MAML1: variants seen among roughly 807,000 people sequenced by gnomAD.
MAML1 encodes mastermind like transcriptional coactivator 1, also known as mastermind-like protein 1.
A neutral mutation model predicts 77.1 loss-of-function variants in MAML1; 14 were observed. The ratio of observed to expected loss-of-function variants is 0.18; its 90% confidence interval spans 0.12 to 0.28. The LOEUF (loss-of-function observed/expected upper bound fraction) is 0.28, where lower values mean the gene tolerates loss of function less well. MAML1 is among the 10% of genes least tolerant of loss of function. The pLI is 1.00. For missense variants in MAML1, 1,217 were observed against 1,327.8 expected, an observed-to-expected ratio of 0.92 and a Z score of 1.30; for synonymous variants, 516 against 551.9, an observed-to-expected ratio of 0.93 and a Z score of 0.91.
At chr5:179,767,095 CTTTTTTTTT>C (rs10707656) in intron 2 of MAML1, among the ~76,000 whole-genome samples, 2 of 100,942 alleles carry the variant, frequency 2.0e-5, no homozygotes, top group African/African-American at 3.9e-5. Context: ...AGAGGCTTGG[CTTTTTTTTT>C]TTTTTTTTTT....
rs561025435 is a variant in MAML1 at position 179,756,673 on chromosome 5, G to T, written c.316-8653G>T. 3.3e-5 allele frequency among the ~76,000 whole-genome samples: 5 copies of T among 152,200 alleles called. No homozygotes were observed. The East Asian group carries it at 9.7e-4, about 29-fold the overall frequency. ...GATATGTGTTTTATAGCGGTCACAC[G>T]GATAACATCATAAAGGGTGTGTTAG... On this transcript the variant is annotated intron_variant, in intron 1 of 4. Coordinates refer to ENST00000292599, the MANE Select transcript of MAML1 (RefSeq NM_014757.5).
At position 179,766,597 on chromosome 5, in the gene MAML1, C is replaced by T. The variant is rs3797776; in HGVS notation, c.1587C>T (p.Ser529=). The T allele has an allele frequency of 0.28, 450,864 of 1,611,900 alleles. 67,360 individuals carry two copies. Among genetic ancestry groups the T allele is most frequent in the Non-Finnish European group, 0.31 (364,139 of 1,178,436 alleles). Residue 529 remains serine (S), a synonymous_variant, in exon 2 of 5, where the codon AGC becomes AGT. Transcript: ENST00000292599. This position sits in a 1 kb window ranked among gnomAD's most constrained non-coding sequence, Gnocchi z 4.0. ...ACAAAGCGGACTGTGGGCAAGGCAG[C>T]CCGGGGTCTGGCCAGAGCAAGCCAG... ...SHYKADCGQG[S]PGSGQSKPAL...
intron 1 of MAML1, among the ~76,000 whole-genome samples, chr5:179,753,660 T>TTA (rs1779553202): frequency 1.9e-5 from 2 of 105,430 alleles, no homozygotes; most frequent in East Asian, 3.0e-4. Context: ...TATTATTTTT[T>TTA]TTTTTTTTTT....
At chr5:179,745,587 G>A (rs1779362859) in intron 1 of MAML1, among the ~76,000 whole-genome samples, 1 of 151,658 alleles carries the variant, frequency 6.6e-6, no homozygotes, top group African/African-American at 2.4e-5. Context: ...GTGGTCAGGT[G>A]CAGTGGCTCA....
intron 1 of MAML1, among the ~76,000 whole-genome samples, chr5:179,743,146 G>C (rs1562549398): frequency 6.7e-6 from 1 of 148,768 alleles, no homozygotes; most frequent in Non-Finnish European, 1.5e-5. Context: ...TCCACCTCCC[G>C]GGTTCAAGTG....
Position 179,733,309 on chromosome 5 carries a change from C to T in MAML1, c.197C>T (p.Ala66Val). ...GCCCTGCACCAGCGCTGCATCCAGG[C>T]CAAGGCCAAGCGCGCCGGGAAGCAC... ...TFALHQRCIQAKAKRAGKHRQ... is the reference protein window; with the variant it reads ...TFALHQRCIQVKAKRAGKHRQ... Residue 66 changes from alanine (A) to valine (V), a missense_variant, in exon 1 of 5, where the codon GCC becomes GTC. Transcript: ENST00000292599. 7.1e-7 allele frequency: 1 copy of T among 1,407,500 alleles called. No individual in the cohort carries two copies. The highest frequency in any genetic ancestry group is 3.3e-5 in the East Asian group (1 of 30,594). The allele number at this position is 1,407,500 out of a possible 1,614,324, so 87.2% of individuals were successfully genotyped here. A position where few individuals can be genotyped will look rare whatever the true frequency, so the allele number is the denominator to read the frequency against.
chr5:179,749,284 G>A (rs573928063), intron 1 of MAML1, among the ~76,000 whole-genome samples: 15 of 152,152 alleles, frequency 9.9e-5, no homozygotes, highest in Admixed American at 2.0e-4. Flanking sequence ...GCGCCACCAC[G>A]CCTGGATAAT....
In MAML1 at chr5:179,765,829, G is replaced by A; in HGVS notation, c.819G>A (p.Glu273=). 1 of 1,614,134 alleles carries A rather than the reference G, an allele frequency of 6.2e-7. No homozygotes were observed. The highest frequency in any genetic ancestry group is 1.1e-5 in the South Asian group (1 of 91,076). ...PDEDMKDLFN[E]DFEEKKDPES... is the part of the protein sequence containing the mutation. ...AAGACATGAAGGACCTGTTTAATGA[G>A]GACTTCGAGGAGAAGAAGGACCCAG... The change falls in exon 2 of 5, where the codon GAG becomes GAA. Residue 273 remains glutamate (E), a synonymous_variant. Coordinates refer to ENST00000292599, the MANE Select transcript of MAML1 (RefSeq NM_014757.5).
chr5:179,752,340 A>ATATATATATAT lies in MAML1; in HGVS notation c.316-12986_316-12985insTATATATATAT, dbSNP rs1413175645. Among the ~76,000 whole-genome samples, 64 of 53,450 alleles carry ATATATATATAT rather than the reference A, an allele frequency of 1.2e-3. 1 individual carries two copies. The highest frequency in any genetic ancestry group is 5.1e-3 in the Admixed American group (22 of 4,332). 35.1% of individuals were successfully genotyped at this position (53,450 alleles called of 152,430 possible). A position where few individuals can be genotyped will look rare whatever the true frequency, so the allele number is the denominator to read the frequency against. ...ACTCTGTCTCCAAAAAAAAAAAAAA[A>ATATATATATAT]AAAAAAAAAAATATATATATATATA... On this transcript the variant is annotated intron_variant, in intron 1 of 4. Coordinates refer to ENST00000292599, the MANE Select transcript of MAML1 (RefSeq NM_014757.5).
chr5:179,763,664 C>T (rs998388456), intron 1 of MAML1, among the ~76,000 whole-genome samples: 13 of 152,158 alleles, frequency 8.5e-5, no homozygotes, highest in African/African-American at 3.1e-4. Flanking sequence ...GGGTAATCTG[C>T]TGTTGAGAAC....
chr5:179,775,195 T>G lies in MAML1; in HGVS notation c.*318T>G. On this transcript the variant is annotated 3_prime_UTR_variant, in exon 5 of 5. Transcript: ENST00000292599. ...CAGTAACACCAGTGAAACCCCACAC[T>G]GTCGGGCTTATAAAAATCTGTGCCA... 1.9e-6 allele frequency: 2 copies of G among 1,069,118 alleles called. No individual in the cohort carries two copies. Among genetic ancestry groups the G allele is most frequent in the Non-Finnish European group, 2.3e-6 (2 of 884,046 alleles). The allele number at this position is 1,069,118 out of a possible 1,614,324, so 66.2% of individuals were successfully genotyped here. A position where few individuals can be genotyped will look rare whatever the true frequency, so the allele number is the denominator to read the frequency against.
chr5:179,755,986 G>A (rs190849187), intron 1 of MAML1, among the ~76,000 whole-genome samples: 3 of 150,974 alleles, frequency 2.0e-5, no homozygotes, highest in Admixed American at 6.6e-5. Context: ...GGCTGGTCTC[G>A]AACTCCTGAC....
rs779108532 is a variant in MAML1 at position 179,769,202 on chromosome 5, CTGT to C, written c.1971+118_1971+120del. On this transcript the variant is annotated intron_variant, in intron 3 of 4. Coordinates refer to ENST00000292599, the MANE Select transcript of MAML1 (RefSeq NM_014757.5). This position sits in a 1 kb window ranked among gnomAD's most constrained non-coding sequence, Gnocchi z 4.2. ...TGTGGATTTGCGCAGACTTGCGTGC[CTGT>C]TGTTAGAGTGCTTTGCCTTTTAAAA... is the stretch of plus-strand genomic sequence containing the variant. The C allele has an allele frequency of 4.1e-6, 6 of 1,447,814 alleles. No homozygotes were observed. The highest frequency in any genetic ancestry group is 2.0e-5 in the Admixed American group (1 of 49,686). The allele number at this position is 1,447,814 out of a possible 1,614,324, so 89.7% of individuals were successfully genotyped here. A position where few individuals can be genotyped will look rare whatever the true frequency, so the allele number is the denominator to read the frequency against.
intron 4 of MAML1, among the ~76,000 whole-genome samples, chr5:179,772,117 A>G (rs1000391970): frequency 6.6e-6 from 1 of 152,038 alleles, no homozygotes; most frequent in Non-Finnish European, 1.5e-5. Flanking sequence ...TCCTCAACCC[A>G]ATTTCATTGT....
Position 179,767,540 on chromosome 5 carries a change from AG to A in MAML1, c.1731+800del, listed in dbSNP as rs1779844310. On this transcript the variant is annotated intron_variant, in intron 2 of 4. Transcript: ENST00000292599. ...ATCTAAAGAAATAATCCAAAATAAA[AG>A]AAAAAGTTATATCCAAGATATTCAT... 6.3e-5 allele frequency among the ~76,000 whole-genome samples: 3 copies of A among 47,468 alleles called. No individual in the cohort carries two copies. The Admixed American group carries it at 1.1e-3, about 17-fold the overall frequency. The allele number at this position is 47,468 out of a possible 152,430, so 31.1% of individuals were successfully genotyped here.
intron 1 of MAML1, among the ~76,000 whole-genome samples, chr5:179,734,267 C>A (rs1261947824): frequency 6.6e-6 from 1 of 152,170 alleles, no homozygotes; most frequent in East Asian, 1.9e-4. Context: ...TAAATTCATA[C>A]CTTTATTATC....
At chr5:179,764,584 C>A (rs575165094) in intron 1 of MAML1, among the ~76,000 whole-genome samples, 1 of 151,762 alleles carries the variant, frequency 6.6e-6, no homozygotes, top group African/African-American at 2.4e-5. Flanking sequence ...GGCTTGAACC[C>A]TGGAGGCGGA....
chr5:179,753,032 C>G (rs1444912574), intron 1 of MAML1, among the ~76,000 whole-genome samples: 1 of 152,188 alleles, frequency 6.6e-6, no homozygotes, highest in Admixed American at 6.5e-5. Flanking sequence ...CTTGGCCTCC[C>G]AAAGTGCTGG....
rs534332055 is a variant in MAML1, at chr5:179,774,671, A to C, written c.2845A>C (p.Met949Leu). 1.6e-5 allele frequency: 25 copies of C among 1,610,274 alleles called. No homozygotes were observed. The highest frequency in any genetic ancestry group is 1.5e-4 in the African/African-American group (11 of 75,032). The change falls in exon 5 of 5, where the codon ATG becomes CTG. Residue 949 changes from methionine (M) to leucine (L), a missense_variant. Around this residue, in one of 3 missense-constraint regions of MAML1, gnomAD observed 884 missense variants for 949.3 expected, o/e 0.93. Transcript: ENST00000292599. Reference protein sequence around the residue: ...GAFSQSPASQMGGRAGLHCTQ... With the variant: ...GAFSQSPASQLGGRAGLHCTQ... ...CTTCAGCCAGAGCCCTGCCTCACAG[A>C]TGGGCGGTCGGGCGGGGCTGCACTG...
Sources: gnomAD v4.1 joint callset for allele counts (sites outside exome capture counted in the v4.1 genomes callset) on GRCh38, gnomAD v4.1.1 for gene constraint, gnomAD v4.1.1 regional missense constraint, Gnocchi (gnomAD v3.1) non-coding constraint, MANE v1.5 for transcripts, NCBI Gene and HGNC (gene_info 2026-07-23, HGNC 2026-07-21) for gene names.